The following ZNF717 variants were observed in gnomAD, a reference collection of about 807,000 sequenced individuals.
ZNF717 encodes the protein zinc finger protein 717.
In ZNF717, 9 loss-of-function variants were observed where a neutral mutation model predicts 13.8. The ratio of observed to expected loss-of-function variants is 0.65; its 90% CI spans 0.39 to 1.14. The LOEUF is 1.14. Ranked by LOEUF, ZNF717 falls within the 50% of genes most tolerant of loss-of-function variation. ZNF717 has a pLI of 0.01. For synonymous variants in ZNF717, 327 were observed against 364.1 expected (o/e 0.90, Z 1.16); for missense variants, 1,040 against 1,080.7 (o/e 0.96, Z 0.53).
chr3:75,695,192 T>C (rs1253515842), intron 6 of ZNF717, among the ~76,000 whole-genome samples: 3 of 152,202 alleles, frequency 2.0e-5, no homozygotes, highest in Non-Finnish European at 4.4e-5. Flanking sequence ...GCTATACTTA[T>C]ACCAGACAAA....
chr3:75,752,466 G>C (rs1241927111), intron 2 of ZNF717, among the ~76,000 whole-genome samples: 1 of 145,260 alleles, frequency 6.9e-6, no homozygotes, highest in East Asian at 2.1e-4. Flanking sequence ...TCCTCACATA[G>C]GATTCCAGAG....
At chr3:75,747,935 T>TA (rs1387716128) in intron 2 of ZNF717, among the ~76,000 whole-genome samples, 1 of 152,076 alleles carries the variant, frequency 6.6e-6, no homozygotes, top group African/African-American at 2.4e-5. Context: ...ACAAAATTGA[T>TA]AGACCACTAG....
chr3:75,776,293 T>C (rs1944311983), intron 2 of ZNF717, among the ~76,000 whole-genome samples: 1 of 152,308 alleles, frequency 6.6e-6, no homozygotes, highest in East Asian at 1.9e-4. Context: ...TTATAACCAA[T>C]GTTTGGTTTG....
In ZNF717 at chr3:75,730,619, C is replaced by G; in HGVS notation, c.340-1G>C. On this transcript the variant is annotated splice_acceptor_variant, in intron 5 of 5. Transcript: ENST00000477374. LOFTEE classifies it high-confidence loss of function. ...CCAGAGTTCACAAGAGAGATCAAAC[C>G]TGGAGATAAAAGATTTTGAAACTAT... 1.4e-6 allele frequency: 1 copy of G among 702,040 alleles called. No individual in the cohort carries two copies. The highest frequency in any genetic ancestry group is 2.6e-6 in the Non-Finnish European group (1 of 384,674). 43.5% of individuals were successfully genotyped at this position (702,040 alleles called of 1,614,324 possible).
intron 5 of ZNF717, among the ~76,000 whole-genome samples, chr3:75,711,566 C>G (rs910278450): frequency 2.0e-5 from 3 of 152,118 alleles, no homozygotes; most frequent in Admixed American, 1.3e-4. Flanking sequence ...GAGGCTGAGG[C>G]AGGTAGATCA....
intron 4 of ZNF717, among the ~76,000 whole-genome samples, chr3:75,720,585 A>G (rs1231769375): frequency 6.6e-6 from 1 of 152,252 alleles, no homozygotes; most frequent in African/African-American, 2.4e-5. Flanking sequence ...CTTAAGCACC[A>G]TGCTATATAC....
At chr3:75,781,615 A>G (rs560900805) in intron 2 of ZNF717, among the ~76,000 whole-genome samples, 79 of 152,274 alleles carry the variant, frequency 5.2e-4, no homozygotes, top group Non-Finnish European at 6.9e-4. Flanking sequence ...AAACCGGACA[A>G]ACTCCATTTG....
chr3:75,768,590 G>A (rs1364359679), intron 2 of ZNF717, among the ~76,000 whole-genome samples: 25 of 146,106 alleles, frequency 1.7e-4, no homozygotes, highest in Non-Finnish European at 2.8e-4. Flanking sequence ...TCCTCACTGC[G>A]GCTGAGTGTG....
At chr3:75,730,571 A>G (rs1239198717) in exon 6 of ZNF717, 15 of 700,372 alleles carry the variant, frequency 2.1e-5, no homozygotes, top group Admixed American at 6.1e-5. Context: ...AGGGATGTCC[A>G]ATTGACAATT....
intron 2 of ZNF717, among the ~76,000 whole-genome samples, chr3:75,781,104 G>A (rs1944782785): frequency 6.6e-6 from 1 of 152,266 alleles, no homozygotes; most frequent in African/African-American, 2.4e-5. Flanking sequence ...GGCCTGAGAA[G>A]GACTCCATAA....
intron 2 of ZNF717, among the ~76,000 whole-genome samples, chr3:75,762,047 C>T (rs1200999238): frequency 6.5e-5 from 9 of 139,422 alleles, no homozygotes; most frequent in African/African-American, 2.4e-4. Context: ...GAGTGAGACG[C>T]CATCTCAAAA....
intron 2 of ZNF717, among the ~76,000 whole-genome samples, chr3:75,755,626 AT>A (rs1474948352): frequency 1.4e-5 from 2 of 145,150 alleles, no homozygotes; most frequent in Non-Finnish European, 1.5e-5. Flanking sequence ...AGGTAGTCTT[AT>A]TTGTGGGACA....
chr3:75,784,331 T>C (rs550936976), intron 1 of ZNF717, among the ~76,000 whole-genome samples: 115 of 152,354 alleles, frequency 7.5e-4, no homozygotes, highest in African/African-American at 2.7e-3. Context: ...AATTAGTTCC[T>C]TAAACAGCAA....
chr3:75,708,465 G>C (rs1278896510), downstream of ZNF717, among the ~76,000 whole-genome samples: 2 of 152,168 alleles, frequency 1.3e-5, no homozygotes, highest in African/African-American at 2.4e-5. Context: ...AAACCCATCT[G>C]TACGTCACCA....
At position 75,730,368 on chromosome 3, in the gene ZNF717, T is replaced by G. The variant is rs77671262; in HGVS notation, c.*245A>C. On this transcript the variant is annotated 3_prime_UTR_variant, in exon 6 of 6. Transcript: ENST00000477374. ...AAGCAATAGTTAAAAAAAAAAAAAG[T>G]AGAAACAGGATTTGATGTCAATTTG... The G allele has an allele frequency of 2.8e-5, 11 of 386,530 alleles. No individual in the cohort carries two copies. In the East Asian group the frequency reaches 3.7e-4, roughly 13 times the overall value. 23.9% of individuals were successfully genotyped at this position (386,530 alleles called of 1,614,324 possible).
intron 2 of ZNF717, among the ~76,000 whole-genome samples, chr3:75,749,346 A>T (rs11717462): frequency 6.6e-6 from 1 of 151,508 alleles, no homozygotes; most frequent in Non-Finnish European, 1.5e-5. Context: ...CTGGGTTCCA[A>T]GTGTCTGTCC....
chr3:75,724,293 CTCTT>C (rs1938232369), intron 4 of ZNF717, among the ~76,000 whole-genome samples: 1 of 152,104 alleles, frequency 6.6e-6, no homozygotes, highest in Non-Finnish European at 1.5e-5. Flanking sequence ...TTTCCTCTAT[CTCTT>C]TGTCTTGTGT....
intron 2 of ZNF717, among the ~76,000 whole-genome samples, chr3:75,755,759 A>T (rs540405768): frequency 1.3e-5 from 2 of 152,404 alleles, no homozygotes; most frequent in South Asian, 4.1e-4. Flanking sequence ...GACAGGGAAA[A>T]TGTAGTCATC....
At chr3:75,745,881 T>A (rs2918527) in intron 2 of ZNF717, among the ~76,000 whole-genome samples, 125,961 of 150,954 alleles carry the variant, frequency 0.83, 52,556 homozygotes, top group East Asian at 0.89. Context: ...TTATATATAT[T>A]TTTTTATTAT....
Sources: gnomAD v4.1 joint callset for allele counts (sites outside exome capture counted in the v4.1 genomes callset) on GRCh38, gnomAD v4.1.1 for gene constraint, MANE v1.5 for transcripts, NCBI Gene and HGNC (gene_info 2026-07-23, HGNC 2026-07-21) for gene names.